The following FAT3 variants were observed in gnomAD, a reference collection of about 807,000 sequenced individuals.
The protein encoded by FAT3 is FAT atypical cadherin 3, also known as protocadherin Fat 3.
FAT3 carries 95 observed loss-of-function variants against 310.2 expected under a neutral mutation model. That is an observed-to-expected ratio of 0.31 (90% confidence interval 0.26 to 0.36). FAT3 has a LOEUF of 0.36. FAT3 is among the 10% of genes least tolerant of loss of function. FAT3 has a pLI of 1.00. For missense variants in FAT3, 5,408 were observed against 5,715.6 expected, an observed-to-expected ratio of 0.95 and a Z score of 1.74; for synonymous variants, 2,314 against 2,192.9, an observed-to-expected ratio of 1.06 and a Z score of -1.54.
At chr11:92,605,633 A>G (rs1057021792) in intron 3 of FAT3, among the ~76,000 whole-genome samples, 2 of 151,980 alleles carry the variant, frequency 1.3e-5, no homozygotes, top group Admixed American at 1.3e-4. Context: ...TGGAATAATA[A>G]TAGTTAAAAT....
chr11:92,467,214 C>T (rs926571813), intron 2 of FAT3, among the ~76,000 whole-genome samples: 1 of 152,122 alleles, frequency 6.6e-6, no homozygotes, highest in African/African-American at 2.4e-5. Flanking sequence ...AAAAGTGTTC[C>T]TATTTCTCCA....
chr11:92,344,109 C>T (rs1802522707), intron 1 of FAT3, among the ~76,000 whole-genome samples: 1 of 152,088 alleles, frequency 6.6e-6, no homozygotes, highest in Non-Finnish European at 1.5e-5. Flanking sequence ...GACTATGCAC[C>T]ATGGAACTTC....
rs776116883 is a variant in FAT3 at position 92,790,017 on chromosome 11, C to A, written c.4410C>A (p.Ser1470=). 6.2e-7 allele frequency: 1 copy of A among 1,613,736 alleles called. No homozygotes were observed. Among genetic ancestry groups the A allele is most frequent in the African/African-American group, 1.3e-5 (1 of 75,006 alleles). The change falls in exon 8 of 28, where the codon TCC becomes TCA. Residue 1470 remains serine, a synonymous_variant. Transcript: ENST00000525166. ...AGCCGAATTACGATGTGACAATTTC[C>A]GAGGATGTGCTTCCAGACACGGAGA... The part of the protein sequence containing the change: ...FSQPNYDVTI[S]EDVLPDTEIL...
At chr11:92,580,497 C>T (rs1938730581) in intron 3 of FAT3, among the ~76,000 whole-genome samples, 1 of 152,118 alleles carries the variant, frequency 6.6e-6, no homozygotes, top group Non-Finnish European at 1.5e-5. Flanking sequence ...TGTCAGCTTG[C>T]TAGTGCCCTC....
chr11:92,859,436 A>T (rs1224603037), intron 21 of FAT3, 114 bp downstream of exon 21: 9 of 1,117,058 alleles, frequency 8.1e-6, no homozygotes, highest in East Asian at 2.7e-5. Context: ...GACCAGAAGC[A>T]GACTTCTGGG....
In FAT3 at chr11:92,889,234, C is replaced by T. The variant is rs1189067037; in HGVS notation, c.13097C>T (p.Thr4366Ile). ...CAGCTTGTCAACAATGTAGTTGACA[C>T]TATAGAGAATGAAGGTATTTACTTT... ...VIQLVNNVVD[T>I]IENEVSVMDQ... Residue 4366 changes from threonine (T) to isoleucine (I), a missense_variant, in exon 26 of 28, where the codon ACT becomes ATT. Around this residue, in one of 5 missense-constraint regions of FAT3, gnomAD observed 649 missense variants for 666.2 expected, o/e 0.97. Coordinates refer to ENST00000525166, the MANE Select transcript of FAT3 (RefSeq NM_001367949.2). 2 of 711,892 alleles carry T rather than the reference C, an allele frequency of 2.8e-6. No individual in the cohort carries two copies. The highest frequency in any genetic ancestry group is 2.0e-5 in the Admixed American group (1 of 49,184). 44.1% of individuals were successfully genotyped at this position (711,892 alleles called of 1,614,324 possible).
chr11:92,234,832 A>T lies in FAT3; in HGVS notation c.-18+9658A>T, dbSNP rs1203898187. 2.0e-5 allele frequency among the ~76,000 whole-genome samples: 3 copies of T among 150,934 alleles called. No homozygotes were observed. The East Asian group carries it at 5.9e-4, about 30-fold the overall frequency. ...CAGGAGAATCTCTTGAACCCAGGAG[A>T]CGGAGGTTGCAATGAGCCGAGATTG... On this transcript the variant is annotated intron_variant, in intron 1 of 27. Transcript: ENST00000525166.
intron 1 of FAT3, among the ~76,000 whole-genome samples, chr11:92,297,566 C>A (rs1946882750): frequency 6.6e-6 from 1 of 152,006 alleles, no homozygotes; most frequent in Non-Finnish European, 1.5e-5. Context: ...TATTTTGATG[C>A]CTTAATCCAT....
intron 9 of FAT3, among the ~76,000 whole-genome samples, chr11:92,797,012 A>G (rs1011575954): frequency 6.6e-6 from 1 of 152,240 alleles, no homozygotes; most frequent in Non-Finnish European, 1.5e-5. Context: ...GATTCCCAAC[A>G]GTTTCTTGGT....
At chr11:92,536,209 T>A (rs1419214613) in intron 3 of FAT3, among the ~76,000 whole-genome samples, 1 of 152,204 alleles carries the variant, frequency 6.6e-6, no homozygotes, top group Non-Finnish European at 1.5e-5. Flanking sequence ...GGAAAGCATA[T>A]GGAACTTTAA....
At chr11:92,301,274 G>A (rs780727001) in intron 1 of FAT3, among the ~76,000 whole-genome samples, 1 of 152,150 alleles carries the variant, frequency 6.6e-6, no homozygotes, top group Non-Finnish European at 1.5e-5. Context: ...AGGACATACA[G>A]TTGAAGGAAG....
chr11:92,604,936 A>G (rs1340771479), intron 3 of FAT3, among the ~76,000 whole-genome samples: 2 of 152,244 alleles, frequency 1.3e-5, no homozygotes, highest in East Asian at 3.9e-4. Flanking sequence ...CTCATCTGTA[A>G]ATATAATGCC....
chr11:92,488,834 A>C (rs1952511822), intron 2 of FAT3, among the ~76,000 whole-genome samples: 1 of 152,100 alleles, frequency 6.6e-6, no homozygotes, highest in African/African-American at 2.4e-5. Context: ...CTGGGTTTGA[A>C]TTTCAGCTCT....
At position 92,792,892 on chromosome 11, in the gene FAT3, T is replaced by C; in HGVS notation, c.4737T>C (p.Ala1579=). 6.2e-7 allele frequency: 1 copy of C among 1,613,864 alleles called. No homozygotes were observed. The highest frequency in any genetic ancestry group is 8.5e-7 in the Non-Finnish European group (1 of 1,179,792). The part of the protein sequence containing the change: ...PLYEASVFES[A]ALGSAVLQVT... Reference sequence around the variant, plus strand: ...ATGAAGCGTCTGTGTTTGAATCTGCTGCTCTGGGATCAGCTGTTCTGCAAG... The same window carrying C: ...ATGAAGCGTCTGTGTTTGAATCTGCCGCTCTGGGATCAGCTGTTCTGCAAG... Residue 1579 remains alanine, a synonymous_variant, in exon 9 of 28, where the codon GCT becomes GCC. Transcript: ENST00000525166.
At chr11:92,477,178 A>T (rs966096908) in intron 2 of FAT3, among the ~76,000 whole-genome samples, 3 of 152,214 alleles carry the variant, frequency 2.0e-5, no homozygotes, top group Non-Finnish European at 4.4e-5. Context: ...TATTTAAAAT[A>T]CTTTCCCACA....
intron 4 of FAT3, among the ~76,000 whole-genome samples, chr11:92,709,889 G>T (rs774394022): frequency 2.0e-5 from 3 of 152,076 alleles, no homozygotes; most frequent in Non-Finnish European, 4.4e-5. Flanking sequence ...CATTACCTCC[G>T]ATCATCCTTG....
At chr11:92,586,350 A>C (rs1365313723) in intron 3 of FAT3, among the ~76,000 whole-genome samples, 1 of 151,974 alleles carries the variant, frequency 6.6e-6, no homozygotes, top group East Asian at 1.9e-4. Context: ...AAAAAATACT[A>C]AGTCCATGAA....
At chr11:92,229,708 A>G (rs1864089128) in intron 1 of FAT3, among the ~76,000 whole-genome samples, 1 of 151,366 alleles carries the variant, frequency 6.6e-6, no homozygotes, top group Non-Finnish European at 1.5e-5. Flanking sequence ...TAATAGTGAC[A>G]AATGACCCAT....
At chr11:92,588,544 T>G (rs560123) in intron 3 of FAT3, among the ~76,000 whole-genome samples, 2 of 152,196 alleles carry the variant, frequency 1.3e-5, no homozygotes, top group South Asian at 4.1e-4. Context: ...AGTCCTACTT[T>G]GGAACACTCT....
Sources: gnomAD v4.1 joint callset for allele counts (sites outside exome capture counted in the v4.1 genomes callset) on GRCh38, gnomAD v4.1.1 for gene constraint, gnomAD v4.1.1 regional missense constraint, MANE v1.5 for transcripts, NCBI Gene and HGNC (gene_info 2026-07-23, HGNC 2026-07-21) for gene names.